Variants in ALDH1A2 observed in about 807,000 individuals in gnomAD.
ALDH1A2 encodes aldehyde dehydrogenase 1 family member A2.
Under a neutral mutation model 60.3 loss-of-function variants are expected in ALDH1A2, and 27 were observed. The ratio of observed to expected loss-of-function variants is 0.45; its 90% CI spans 0.33 to 0.62. ALDH1A2 has a LOEUF of 0.62. Among genes scored for constraint, ALDH1A2 ranks in the 20% least tolerant of loss-of-function variants. The probability of loss-of-function intolerance (pLI) is 0.02; values close to 1 mark genes in which losing one functional copy is unlikely to be tolerated. For missense variants in ALDH1A2, 581 were observed against 643.8 expected (o/e 0.90, Z 1.06); for synonymous variants, 289 against 232.4 (o/e 1.24, Z -2.21).
Position 58,039,616 on chromosome 15 carries a change from GT to G in ALDH1A2, c.118-25336del, listed in dbSNP as rs1896464094. 5.3e-5 allele frequency among the ~76,000 whole-genome samples: 8 copies of G among 151,908 alleles called. No homozygotes were observed. The South Asian group carries it at 1.7e-3, about 32-fold the overall frequency. On this transcript the variant is annotated intron_variant, in intron 1 of 12. Transcript: ENST00000249750. ...AAAAAGTAACTGATTAACCACTAGA[GT>G]TTTTCCAGAAGTTGCTGAGGCCATT...
chr15:57,975,711 G>C (rs1234859375), intron 7 of ALDH1A2, among the ~76,000 whole-genome samples: 1 of 151,636 alleles, frequency 6.6e-6, no homozygotes, highest in Non-Finnish European at 1.5e-5. Flanking sequence ...TAACTGTGCT[G>C]AGTAAAAACA....
intron 4 of ALDH1A2, among the ~76,000 whole-genome samples, chr15:57,998,654 T>C (rs1895148381): frequency 6.6e-6 from 1 of 152,082 alleles, no homozygotes; most frequent in Non-Finnish European, 1.5e-5. Context: ...TTCAATGCTA[T>C]TGTCATTAAA....
At chr15:58,028,833 T>A (rs1794259464) in intron 1 of ALDH1A2, among the ~76,000 whole-genome samples, 1 of 152,088 alleles carries the variant, frequency 6.6e-6, no homozygotes, top group Non-Finnish European at 1.5e-5. Flanking sequence ...AGGGATCAAT[T>A]CAACAAGAAG....
At chr15:57,991,652 TATTGTATTA>T (rs1894899240) in intron 7 of ALDH1A2, 1 of 152,208 alleles carries the variant, frequency 6.6e-6, no homozygotes, top group African/African-American at 2.4e-5. Context: ...GAATGCAAAA[TATTGTATTA>T]ATAACTTATA....
chr15:58,016,084 G>A (rs1328574976), intron 1 of ALDH1A2, among the ~76,000 whole-genome samples: 1 of 151,378 alleles, frequency 6.6e-6, no homozygotes, highest in Non-Finnish European at 1.5e-5. Context: ...TTCACCATGT[G>A]ACTGAATCAA....
At chr15:58,026,751 G>A (rs1320163210) in intron 1 of ALDH1A2, among the ~76,000 whole-genome samples, 3 of 152,206 alleles carry the variant, frequency 2.0e-5, no homozygotes, top group Non-Finnish European at 2.9e-5. Flanking sequence ...CATGCCCACG[G>A]AGCCTTGCTC....
At chr15:58,031,757 C>T (rs1393955977) in intron 1 of ALDH1A2, among the ~76,000 whole-genome samples, 1 of 152,130 alleles carries the variant, frequency 6.6e-6, no homozygotes, top group African/African-American at 2.4e-5. Flanking sequence ...TGAAAAAATG[C>T]TCATCACCAC....
At position 57,958,495 on chromosome 15, in the gene ALDH1A2, C is replaced by T. The variant is rs34397396; in HGVS notation, c.1484+2275G>A. Among the ~76,000 whole-genome samples, 1,513 of 152,276 alleles carry T rather than the reference C, an allele frequency of 9.9e-3. 28 individuals are homozygous for T. Among genetic ancestry groups the T allele is most frequent in the African/African-American group, 0.033 (1,373 of 41,538 alleles). On this transcript the variant is annotated intron_variant, in intron 12 of 12. Transcript: ENST00000249750. ...CTGAGCCTGGGAATTAAGAGGGCAG[C>T]CCTCCCCACAGCTCTCTGTGGGGAG... is the stretch of plus-strand genomic sequence containing the variant.
At chr15:57,993,389 T>C (rs1450729795) in intron 5 of ALDH1A2, among the ~76,000 whole-genome samples, 2 of 152,228 alleles carry the variant, frequency 1.3e-5, no homozygotes, top group Non-Finnish European at 2.9e-5. Context: ...AATTAGGCTT[T>C]GGTTCCAATA....
At chr15:58,021,075 G>C (rs1258259404) in intron 1 of ALDH1A2, among the ~76,000 whole-genome samples, 1 of 151,998 alleles carries the variant, frequency 6.6e-6, no homozygotes, top group East Asian at 1.9e-4. Context: ...TCCAGTATTT[G>C]TCTCATTTAT....
chr15:58,048,077 C>G (rs1358688208), intron 1 of ALDH1A2, among the ~76,000 whole-genome samples: 4 of 151,914 alleles, frequency 2.6e-5, no homozygotes, highest in African/African-American at 9.7e-5. Flanking sequence ...CCCACTTATG[C>G]TGAGTCCTAA....
At chr15:58,039,507 C>T (rs1189854236) in intron 1 of ALDH1A2, among the ~76,000 whole-genome samples, 1 of 151,668 alleles carries the variant, frequency 6.6e-6, no homozygotes, top group Non-Finnish European at 1.5e-5. Context: ...CCCCTGGAAT[C>T]GATGTTAATT....
At position 58,013,921 on chromosome 15, in the gene ALDH1A2, T is replaced by G. The variant is rs779489033; in HGVS notation, c.300A>C (p.Ser100=). Residue 100 remains serine, a synonymous_variant, in exon 3 of 13, where the codon TCA becomes TCC. Transcript: ENST00000249750. ...GCTTATCCAACAGACGTCCCCTTTC[T>G]GAAGCATCCATCCTTCTCCACACTG... is the stretch of plus-strand genomic sequence containing the variant. ...LGSVWRRMDA[S]ERGRLLDKLA... is the part of the protein sequence containing the mutation. 1 of 1,614,184 alleles carries G rather than the reference T, an allele frequency of 6.2e-7. No homozygotes were observed. The highest frequency in any genetic ancestry group is 8.5e-7 in the Non-Finnish European group (1 of 1,180,006).
chr15:58,002,080 G>T (rs1895294179), intron 4 of ALDH1A2, among the ~76,000 whole-genome samples: 1 of 151,868 alleles, frequency 6.6e-6, no homozygotes, highest in Non-Finnish European at 1.5e-5. Context: ...CCAGTCAGAG[G>T]TAACTTTTCT....
At chr15:58,050,914 G>A (rs1430612444) in intron 1 of ALDH1A2, among the ~76,000 whole-genome samples, 16 of 152,116 alleles carry the variant, frequency 1.1e-4, no homozygotes, top group Admixed American at 8.5e-4. Context: ...GGAAGGGCTC[G>A]AACACCTCAA....
In ALDH1A2 at chr15:57,995,270, C is replaced by T. The variant is rs1018055984; in HGVS notation, c.494-131G>A. ...AATAAACTTGAAAAAACATCCTACT[C>T]AACCGTGCATGAAAGCTGGTAGAAG... On this transcript the variant is annotated intron_variant, in intron 4 of 12. Coordinates refer to ENST00000249750, the MANE Select transcript of ALDH1A2 (RefSeq NM_003888.4). 7 of 700,970 alleles carry T rather than the reference C, an allele frequency of 1.0e-5. No homozygotes were observed. The Admixed American group carries it at 1.8e-4, about 18-fold the overall frequency. 43.4% of individuals were successfully genotyped at this position (700,970 alleles called of 1,614,324 possible).
At chr15:57,980,681 AG>A in intron 7 of ALDH1A2, 1 of 172,884 alleles carries the variant, frequency 5.8e-6, no homozygotes. Context: ...CACACGGGAC[AG>A]GGGTGGATAA....
At chr15:57,982,693 T>C (rs1484438774) in intron 7 of ALDH1A2, among the ~76,000 whole-genome samples, 2 of 152,218 alleles carry the variant, frequency 1.3e-5, no homozygotes, top group Non-Finnish European at 2.9e-5. Context: ...GCCATCTGCA[T>C]AGTTTTGTAG....
rs190898295 is a variant in ALDH1A2 at position 58,024,846 on chromosome 15, A to T, written c.118-10565T>A. On this transcript the variant is annotated intron_variant, in intron 1 of 12. Transcript: ENST00000249750. ...AAAATCATATCAAGTATCTCCTCAG[A>T]CAACAAAGGAATAAAACTAGAAATC... Among the ~76,000 whole-genome samples the T allele has an allele frequency of 5.3e-5, 8 of 152,356 alleles. No homozygotes were observed. In the East Asian group the frequency reaches 1.5e-3, roughly 29 times the overall value.
Sources: gnomAD v4.1 joint callset for allele counts (sites outside exome capture counted in the v4.1 genomes callset) on GRCh38, gnomAD v4.1.1 for gene constraint, MANE v1.5 for transcripts, NCBI Gene and HGNC (gene_info 2026-07-23, HGNC 2026-07-21) for gene names.